LMF1: variants seen among roughly 807,000 people sequenced by gnomAD.
The protein encoded by LMF1 is lipase maturation factor 1.
A neutral mutation model predicts 60.6 loss-of-function variants in LMF1; 68 were observed. The ratio of observed to expected loss-of-function variants is 1.12; its 90% confidence interval spans 0.92 to 1.37. The LOEUF (loss-of-function observed/expected upper bound fraction) is 1.37. Among genes scored for constraint, LMF1 ranks in the 40% most tolerant of loss-of-function variants. The pLI, the probability that LMF1 is intolerant of heterozygous loss-of-function variation, is 0.00. For missense variants in LMF1, 948 were observed against 767.2 expected (o/e 1.24, Z -2.78); for synonymous variants, 418 against 324.7 (o/e 1.29, Z -3.09).
intron 1 of LMF1, among the ~76,000 whole-genome samples, chr16:969,426 C>T (rs961786213): frequency 6.6e-5 from 10 of 152,200 alleles, no homozygotes; most frequent in African/African-American, 1.4e-4. Flanking sequence ...TAGTGATGAG[C>T]GCGTCTCATC....
intron 4 of LMF1, among the ~76,000 whole-genome samples, chr16:902,931 C>G (rs1596956524): frequency 1.2e-5 from 1 of 85,690 alleles, no homozygotes; most frequent in Non-Finnish European, 2.2e-5. Context: ...ATGCCTGTCT[C>G]TGCTGTGTGG....
chr16:863,964 C>A (rs138707289), intron 10 of LMF1, among the ~76,000 whole-genome samples: 1 of 152,298 alleles, frequency 6.6e-6, no homozygotes, highest in East Asian at 1.9e-4. Context: ...CATCATTAGG[C>A]CCTGCCTGTC....
At chr16:914,164 C>T (rs1387356152) in intron 3 of LMF1, among the ~76,000 whole-genome samples, 2 of 151,944 alleles carry the variant, frequency 1.3e-5, no homozygotes, top group Admixed American at 6.6e-5. Context: ...TGGGCCACCC[C>T]GACCCCTCCT....
intron 5 of LMF1, among the ~76,000 whole-genome samples, chr16:880,734 C>G (rs1180266628): frequency 6.6e-6 from 1 of 152,252 alleles, no homozygotes; most frequent in Non-Finnish European, 1.5e-5. Context: ...GAACACCCCA[C>G]TGGCAAATGG....
At chr16:879,530 T>A in intron 6 of LMF1, 40 bp downstream of exon 6, 2 of 1,605,084 alleles carry the variant, frequency 1.2e-6, no homozygotes, top group Non-Finnish European at 1.7e-6. Flanking sequence ...CGGGCCAGCG[T>A]CTCTGTGGAC....
At chr16:918,265 C>G (rs983442586) in intron 3 of LMF1, among the ~76,000 whole-genome samples, 1 of 152,196 alleles carries the variant, frequency 6.6e-6, no homozygotes, top group Non-Finnish European at 1.5e-5. Context: ...TGCGCCCGGC[C>G]GCGCGGCTTG....
chr16:943,653 C>T lies in LMF1; in HGVS notation c.504-9399G>A, dbSNP rs1025945927. Among the ~76,000 whole-genome samples, 6 of 133,592 alleles carry T rather than the reference C, an allele frequency of 4.5e-5. No homozygotes were observed. In the South Asian group the frequency reaches 1.3e-3, roughly 28 times the overall value. 87.6% of individuals were successfully genotyped at this position (133,592 alleles called of 152,430 possible). On this transcript the variant is annotated intron_variant, in intron 2 of 10. Coordinates refer to ENST00000262301, the MANE Select transcript of LMF1 (RefSeq NM_022773.4). ...GAAGCAGGAAAATTGTTTGAACCTGCGAGGTGGAGGTTGAAGTGAGCCAAG... is the reference window on the plus strand; with the variant it reads ...GAAGCAGGAAAATTGTTTGAACCTGTGAGGTGGAGGTTGAAGTGAGCCAAG...
At chr16:945,305 C>A (rs2072211764) in intron 2 of LMF1, among the ~76,000 whole-genome samples, 1 of 149,732 alleles carries the variant, frequency 6.7e-6, no homozygotes, top group Non-Finnish European at 1.5e-5. Context: ...GAGTATTGAA[C>A]TTTGAGCCCA....
At chr16:944,046 C>G (rs765148606) in intron 2 of LMF1, among the ~76,000 whole-genome samples, 1 of 152,188 alleles carries the variant, frequency 6.6e-6, no homozygotes, top group Non-Finnish European at 1.5e-5. Context: ...TTTCCAAAAG[C>G]TCAGTTAGGG....
At chr16:891,081 G>A (rs1455000168) in intron 5 of LMF1, among the ~76,000 whole-genome samples, 2 of 152,236 alleles carry the variant, frequency 1.3e-5, no homozygotes, top group Non-Finnish European at 2.9e-5. Context: ...GAAGAACTGG[G>A]TGCTCATGGG....
At chr16:912,323 G>A (rs528103054) in intron 3 of LMF1, among the ~76,000 whole-genome samples, 1 of 151,908 alleles carries the variant, frequency 6.6e-6, no homozygotes, top group South Asian at 2.1e-4. Context: ...GCCACAGAGA[G>A]GACGGGAGAG....
Position 970,772 on chromosome 16 carries a change from C to T in LMF1, c.193+16G>A. 6.6e-7 allele frequency: 1 copy of T among 1,512,066 alleles called. No homozygotes were observed. The highest frequency in any genetic ancestry group is 8.9e-7 in the Non-Finnish European group (1 of 1,125,466). 93.7% of individuals were successfully genotyped at this position (1,512,066 alleles called of 1,614,324 possible). On this transcript the variant is annotated intron_variant, in intron 1 of 10. Coordinates refer to ENST00000262301, the MANE Select transcript of LMF1 (RefSeq NM_022773.4). ...AGGTGACACTGGCGGATGTCCCGGG[C>T]CCGCCCGGCACTCACAGTACACGAA...
In LMF1 at chr16:878,838, A is replaced by ATG. The variant is rs2070074916; in HGVS notation, c.897+731_897+732insCA. ...CGTGGAACGCCACCTGGACCTGTGCATTTTCCTGGCTGTATGTTACACCTC... is the reference window on the plus strand; with the variant it reads ...CGTGGAACGCCACCTGGACCTGTGCATGTTTTCCTGGCTGTATGTTACACCTC... On this transcript the variant is annotated intron_variant, in intron 6 of 10. Coordinates refer to ENST00000262301, the MANE Select transcript of LMF1 (RefSeq NM_022773.4). The surrounding 1 kb of genome is among the most constrained non-coding windows in gnomAD (Gnocchi z 5.2). 6.6e-6 allele frequency among the ~76,000 whole-genome samples: 1 copy of ATG among 152,130 alleles called. No individual in the cohort carries two copies. The highest frequency in any genetic ancestry group is 2.4e-5 in the African/African-American group (1 of 41,402).
At chr16:867,557 G>A (rs1456072493) in intron 10 of LMF1, among the ~76,000 whole-genome samples, 2 of 152,190 alleles carry the variant, frequency 1.3e-5, no homozygotes, top group Admixed American at 1.3e-4. Flanking sequence ...GTGAGCCAGG[G>A]GAACGGCCGC....
chr16:888,019 A>C (rs956719286), intron 5 of LMF1, among the ~76,000 whole-genome samples: 1 of 152,116 alleles, frequency 6.6e-6, no homozygotes, highest in African/African-American at 2.4e-5. Flanking sequence ...CCCAGCGGTG[A>C]GTCGACTCTG....
At position 874,464 on chromosome 16, in the gene LMF1, G is replaced by C. The variant is rs1049022529; in HGVS notation, c.898-3123C>G. Among the ~76,000 whole-genome samples, 4 of 152,214 alleles carry C rather than the reference G, an allele frequency of 2.6e-5. No individual in the cohort carries two copies. Among genetic ancestry groups the C allele is most frequent in the Admixed American group, 6.5e-5 (1 of 15,288 alleles). ...TGGCAGTCCGGGGCTGCGTCTCCCT[G>C]TCACCAGTGCCCTAGTGGAGGCTGA... On this transcript the variant is annotated intron_variant, in intron 6 of 10. Coordinates refer to ENST00000262301, the MANE Select transcript of LMF1 (RefSeq NM_022773.4). This position sits in a 1 kb window ranked among gnomAD's most constrained non-coding sequence, Gnocchi z 4.1.
intron 5 of LMF1, among the ~76,000 whole-genome samples, chr16:882,950 G>C (rs1352574940): frequency 4.0e-5 from 6 of 148,850 alleles, no homozygotes; most frequent in Non-Finnish European, 5.9e-5. Context: ...CCCATCACAG[G>C]ACCAGGAGAA....
intron 3 of LMF1, among the ~76,000 whole-genome samples, chr16:924,785 C>T (rs1007125436): frequency 3.3e-5 from 5 of 152,192 alleles, no homozygotes; most frequent in South Asian, 4.1e-4. Context: ...GAGGCAAAAA[C>T]GAATGAGCTA....
chr16:887,554 G>A (rs935190873), intron 5 of LMF1, among the ~76,000 whole-genome samples: 23 of 152,064 alleles, frequency 1.5e-4, no homozygotes, highest in African/African-American at 3.4e-4. Context: ...CCTGGGGGGC[G>A]TCCACAGCAG....
Sources: allele counts gnomAD v4.1 joint callset (sites outside exome capture counted in the v4.1 genomes callset), GRCh38; gene constraint gnomAD v4.1.1; non-coding constraint Gnocchi (gnomAD v3.1); transcripts MANE v1.5; gene names NCBI Gene and HGNC (gene_info 2026-07-23, HGNC 2026-07-21).